The following CTSK variants were observed in gnomAD, a reference collection of about 807,000 sequenced individuals.
CTSK encodes cathepsin O.
Under a neutral mutation model 40.5 loss-of-function variants are expected in CTSK, and 26 were observed. That is an observed-to-expected ratio of 0.64 (90% CI 0.47 to 0.89). The LOEUF (loss-of-function observed/expected upper bound fraction) is 0.89, where lower values mean the gene tolerates loss of function less well. CTSK is among the 40% of genes least tolerant of loss of function. The pLI, the probability that CTSK is intolerant of heterozygous loss-of-function variation, is 0.00. For synonymous variants in CTSK, 132 were observed against 143.2 expected, an observed-to-expected ratio of 0.92 and a Z score of 0.56; for missense variants, 292 against 400.1, an observed-to-expected ratio of 0.73 and a Z score of 2.30.
In CTSK at chr1:150,796,457, G is replaced by A. The variant is rs201937004; in HGVS notation, c.*342C>T. 1.3e-4 allele frequency: 56 copies of A among 415,328 alleles called. No homozygotes were observed. Among genetic ancestry groups the A allele is most frequent in the South Asian group, 2.8e-4 (12 of 42,362 alleles). 25.7% of individuals were successfully genotyped at this position (415,328 alleles called of 1,614,324 possible). A position where few individuals can be genotyped will look rare whatever the true frequency, so the allele number is the denominator to read the frequency against. On this transcript the variant is annotated 3_prime_UTR_variant, in exon 8 of 8. Transcript: ENST00000271651. ...AGGGTGCTTAAAGCTAACTAGTCCCGTGAATGAGAATCTAACCTATGTGAA... is the reference window on the plus strand; with the variant it reads ...AGGGTGCTTAAAGCTAACTAGTCCCATGAATGAGAATCTAACCTATGTGAA...
chr1:150,796,772 G>A lies in CTSK; in HGVS notation c.*27C>T, dbSNP rs1489325549. ...CTGCACCATCGTGGAAGAAATGGAA[G>A]AGCAGGATGGATTTGGCTGGCTGGA... is the stretch of plus-strand genomic sequence containing the variant. On this transcript the variant is annotated 3_prime_UTR_variant, in exon 8 of 8. Transcript: ENST00000271651. 2.0e-6 allele frequency: 3 copies of A among 1,482,144 alleles called. No homozygotes were observed. In the African/African-American group the frequency reaches 4.1e-5, roughly 20 times the overall value. The allele number at this position is 1,482,144 out of a possible 1,614,324, so 91.8% of individuals were successfully genotyped here.
chr1:150,799,512 G>C, intron 6 of CTSK, 32 bp downstream of exon 6: 1 of 1,612,862 alleles, frequency 6.2e-7, no homozygotes, highest in Non-Finnish European at 8.5e-7. Context: ...TATCATAAAA[G>C]ACAGTGCTGT....
chr1:150,806,242 A>C lies in CTSK; in HGVS notation c.121-18T>G. The C allele has an allele frequency of 6.2e-7, 1 of 1,612,970 alleles. No homozygotes were observed. The highest frequency in any genetic ancestry group is 8.5e-7 in the Non-Finnish European group (1 of 1,179,126). ...TCATCCACCTAAACAAAGCATAGTC[A>C]GTACTTGTATAGACTGTCTACAGTT... On this transcript the variant is annotated intron_variant, in intron 2 of 7. Transcript: ENST00000271651.
At chr1:150,799,935 G>A (rs1226563803) in intron 5 of CTSK, among the ~76,000 whole-genome samples, 1 of 152,102 alleles carries the variant, frequency 6.6e-6, no homozygotes, top group Non-Finnish European at 1.5e-5. Context: ...GGTGGCTCAT[G>A]CCTGTAATCC....
intron 1 of CTSK, chr1:150,807,578 TAGA>T (rs1424927988): frequency 3.0e-6 from 1 of 329,366 alleles, no homozygotes; most frequent in African/African-American, 2.2e-5. Flanking sequence ...CAAGGTTTGT[TAGA>T]AGAATGTTCA....
chr1:150,807,280 T>G (rs972597093), intron 1 of CTSK: 5 of 471,700 alleles, frequency 1.1e-5, no homozygotes, highest in African/African-American at 8.0e-5. Context: ...AAGTTTTGCC[T>G]CCTGATCATT....
At chr1:150,807,076 T>TCACACACACACACACACA (rs1176948763) in intron 1 of CTSK, among the ~76,000 whole-genome samples, 2 of 36,414 alleles carry the variant, frequency 5.5e-5, no homozygotes, top group Admixed American at 3.4e-4. Flanking sequence ...TGTCTCTCTC[T>TCACACACACACACACACA]CTCTCACACA....
At chr1:150,799,506 A>G in intron 6 of CTSK, 38 bp downstream of exon 6, 1 of 1,612,440 alleles carries the variant, frequency 6.2e-7, no homozygotes, top group Middle Eastern at 1.7e-4. Context: ...AGTTTGTATC[A>G]TAAAAGACAG....
rs1463682255 is a variant in CTSK, at chr1:150,799,226, C to T, written c.832G>A (p.Val278Ile). The change falls in exon 7 of 8, where the codon GTT (valine) becomes ATT (isoleucine). Residue 278 changes from valine (V) to isoleucine (I), a missense_variant. Coordinates refer to ENST00000271651, the MANE Select transcript of CTSK (RefSeq NM_000396.4). ...SCNSDNLNHAVLAVGYGIQKG... is the reference protein window; with the variant it reads ...SCNSDNLNHAILAVGYGIQKG... Reference sequence around the variant, plus strand: ...TGGATTCCATATCCCACTGCCAAAACTGCATGGTTCAGATTATCGCTATTG... The same window carrying T: ...TGGATTCCATATCCCACTGCCAAAATTGCATGGTTCAGATTATCGCTATTG... 1.2e-6 allele frequency: 2 copies of T among 1,613,376 alleles called. No individual in the cohort carries two copies. The highest frequency in any genetic ancestry group is 8.5e-7 in the Non-Finnish European group (1 of 1,179,266).
At chr1:150,806,482 C>A (rs965302443) in intron 2 of CTSK, among the ~76,000 whole-genome samples, 1 of 152,114 alleles carries the variant, frequency 6.6e-6, no homozygotes, top group Non-Finnish European at 1.5e-5. Context: ...AAATGTAACA[C>A]ACTTATAAAG....
chr1:150,807,074 TCTCTCTCACACACA>T (rs1326883172), intron 1 of CTSK, among the ~76,000 whole-genome samples: 49 of 51,546 alleles, frequency 9.5e-4, no homozygotes, highest in Admixed American at 2.4e-3. Flanking sequence ...TCTGTCTCTC[TCTCTCTCACACACA>T]CACACACACA....
Position 150,804,183 on chromosome 1 carries a change from G to C in CTSK, c.456C>G (p.Leu152=). 2 of 1,614,154 alleles carry C rather than the reference G, an allele frequency of 1.2e-6. No homozygotes were observed. The highest frequency in any genetic ancestry group is 1.7e-6 in the Non-Finnish European group (2 of 1,180,026). Residue 152 remains leucine (L), a synonymous_variant, in exon 5 of 8, where the codon CTC becomes CTG. Transcript: ENST00000271651. ...TTAAGAGTTTGCCAGTTTTCTTCTT[G>C]AGTTGGCCCTCCAGGGCACCCACAG... The part of the protein sequence containing the change: ...FSSVGALEGQ[L]KKKTGKLLNL...
intron 4 of CTSK, 120 bp downstream of exon 4, chr1:150,805,741 A>G (rs1010249409): frequency 2.1e-6 from 2 of 932,920 alleles, no homozygotes; most frequent in Admixed American, 3.4e-5. Context: ...GGGAATGGGG[A>G]GATGTACCTT....
In CTSK at chr1:150,799,614, T is replaced by C. The variant is rs201030961; in HGVS notation, c.714A>G (p.Ala238=). The C allele has an allele frequency of 1.2e-5, 19 of 1,614,216 alleles. No individual in the cohort carries two copies. The highest frequency in any genetic ancestry group is 1.6e-5 in the Non-Finnish European group (19 of 1,180,022). Residue 238 remains alanine, a synonymous_variant, in exon 6 of 8, where the codon GCA becomes GCG. Transcript: ENST00000271651. ...PEGNEKALKR[A]VARVGPVSVA... is the part of the protein sequence containing the mutation. ...CAGAGACAGGTCCCACTCGGGCCAC[T>C]GCCCTCTTCAGGGCTTTCTCATTCC...
intron 1 of CTSK, chr1:150,807,195 C>G: frequency 2.1e-6 from 1 of 467,370 alleles, no homozygotes. Flanking sequence ...CTCCAGGGTC[C>G]CTAGCAGGCT....
At chr1:150,799,750 T>C in intron 5 of CTSK, 41 bp from the exon 6 acceptor site, 3 of 1,585,720 alleles carry the variant, frequency 1.9e-6, no homozygotes, top group Middle Eastern at 1.7e-4. Flanking sequence ...GACAAAGCAA[T>C]AGGCAATGAG....
At position 150,805,918 on chromosome 1, in the gene CTSK, T is replaced by C; in HGVS notation, c.342A>G (p.Arg114=). 1 of 1,614,178 alleles carries C rather than the reference T, an allele frequency of 6.2e-7. No individual in the cohort carries two copies. Among genetic ancestry groups the C allele is most frequent in the African/African-American group, 1.3e-5 (1 of 75,040 alleles). The change falls in exon 4 of 8, where the codon AGA becomes AGG. Residue 114 remains arginine, a synonymous_variant. Transcript: ENST00000271651. ...DTLYIPEWEG[R]APDSVDYRKK... Reference sequence around the variant, plus strand: ...TTCGATAGTCGACAGAGTCTGGGGCTCTACCTTCCCATTCTGGGATATAAA... The same window carrying C: ...TTCGATAGTCGACAGAGTCTGGGGCCCTACCTTCCCATTCTGGGATATAAA...
chr1:150,796,701 G>A lies in CTSK; in HGVS notation c.*98C>T, dbSNP rs1653882164. 1 of 864,026 alleles carries A rather than the reference G, an allele frequency of 1.2e-6. No individual in the cohort carries two copies. Among genetic ancestry groups the A allele is most frequent in the Non-Finnish European group, 2.0e-6 (1 of 495,786 alleles). The allele number at this position is 864,026 out of a possible 1,614,324, so 53.5% of individuals were successfully genotyped here. A position where few individuals can be genotyped will look rare whatever the true frequency, so the allele number is the denominator to read the frequency against. On this transcript the variant is annotated 3_prime_UTR_variant, in exon 8 of 8. Coordinates refer to ENST00000271651, the MANE Select transcript of CTSK (RefSeq NM_000396.4). ...AGACAATCTCAGTATCACCACATCT[G>A]CTTCAAAAATAGCACACCAACTCCC...
chr1:150,797,526 G>GAA (rs1373491540), intron 7 of CTSK, among the ~76,000 whole-genome samples: 1 of 152,176 alleles, frequency 6.6e-6, no homozygotes, highest in Non-Finnish European at 1.5e-5. Context: ...AGAGATGGAT[G>GAA]AAACTATGAG....
Sources: gnomAD v4.1 joint callset for allele counts (sites outside exome capture counted in the v4.1 genomes callset) on GRCh38, gnomAD v4.1.1 for gene constraint, MANE v1.5 for transcripts, NCBI Gene and HGNC (gene_info 2026-07-23, HGNC 2026-07-21) for gene names.